The following RASIP1 variants were observed in gnomAD, a reference collection of about 807,000 sequenced individuals.
RASIP1 encodes Ras interacting protein 1.
A neutral mutation model predicts 85.3 loss-of-function variants in RASIP1; 20 were observed. That is an observed-to-expected ratio of 0.23 (90% CI 0.17 to 0.34). The LOEUF (loss-of-function observed/expected upper bound fraction) is 0.34. Among genes scored for constraint, RASIP1 ranks in the 10% least tolerant of loss-of-function variants. The pLI is 1.00. For synonymous variants in RASIP1, 617 were observed against 647.1 expected (o/e 0.95, Z 0.71); for missense variants, 1,170 against 1,390.9 (o/e 0.84, Z 2.53).
In RASIP1 at chr19:48,738,199, C is replaced by G. The variant is rs547451876; in HGVS notation, c.823+761G>C. On this transcript the variant is annotated intron_variant, in intron 3 of 11. Transcript: ENST00000222145. This position sits in a 1 kb window ranked among gnomAD's most constrained non-coding sequence, Gnocchi z 4.0. ...ACCTCAGGTGATCCGCCCGCCTCAGCCTCTCAAAGTGCTGGGATTACAGGC... is the reference window on the plus strand; with the variant it reads ...ACCTCAGGTGATCCGCCCGCCTCAGGCTCTCAAAGTGCTGGGATTACAGGC... 6.6e-6 allele frequency among the ~76,000 whole-genome samples: 1 copy of G among 152,328 alleles called. No homozygotes were observed. The highest frequency in any genetic ancestry group is 2.1e-4 in the South Asian group (1 of 4,830).
Position 48,720,733 on chromosome 19 carries a change from G to C in RASIP1, c.*65C>G, listed in dbSNP as rs923943143. On this transcript the variant is annotated 3_prime_UTR_variant, in exon 12 of 12. Transcript: ENST00000222145. The stretch of plus-strand genomic sequence containing the variant: ...CAACTCCCAGAAAGCTTTGCGCTCA[G>C]GCGGGCTCCTGTCCGTAGAAGCCCG... The C allele has an allele frequency of 1.3e-6, 2 of 1,527,666 alleles. No individual in the cohort carries two copies. The highest frequency in any genetic ancestry group is 2.7e-5 in the African/African-American group (2 of 72,860). The allele number at this position is 1,527,666 out of a possible 1,614,324, so 94.6% of individuals were successfully genotyped here. A position where few individuals can be genotyped will look rare whatever the true frequency, so the allele number is the denominator to read the frequency against.
At chr19:48,735,583 C>T (rs1568482350) in intron 3 of RASIP1, 32 bp from the exon 4 acceptor site, 1 of 1,488,232 alleles carries the variant, frequency 6.7e-7, no homozygotes, top group African/African-American at 1.4e-5. Context: ...TGAGGCTGAG[C>T]CTGGAAAGAC....
rs371894454 is a variant in RASIP1 at position 48,724,482 on chromosome 19, G to A, written c.2399C>T (p.Ser800Phe). The A allele has an allele frequency of 6.2e-7, 1 of 1,614,008 alleles. No homozygotes were observed. Among genetic ancestry groups the A allele is most frequent in the Non-Finnish European group, 8.5e-7 (1 of 1,180,016 alleles). ...RGQGRPFYQWSRAVQIRTNLD... is the reference protein window; with the variant it reads ...RGQGRPFYQWFRAVQIRTNLD... ...GTTGGTTCGGATTTGAACAGCTCGG[G>A]ACCATTGATAGAAAGGCCGGCCTTG... Residue 800 changes from serine (S) to phenylalanine (F), a missense_variant, in exon 10 of 12, where the codon TCC (serine) becomes TTC (phenylalanine). Ser to Phe is a radical substitution (Grantham distance 155). Around this residue, in one of 4 missense-constraint regions of RASIP1, gnomAD observed 426 missense variants for 576.2 expected, o/e 0.74. Coordinates refer to ENST00000222145, the MANE Select transcript of RASIP1 (RefSeq NM_017805.3). This position sits in a 1 kb window ranked among gnomAD's most constrained non-coding sequence, Gnocchi z 4.6.
chr19:48,739,754 A>G lies in RASIP1; in HGVS notation c.138-109T>C. On this transcript the variant is annotated intron_variant, in intron 2 of 11. Coordinates refer to ENST00000222145, the MANE Select transcript of RASIP1 (RefSeq NM_017805.3). This position sits in a 1 kb window ranked among gnomAD's most constrained non-coding sequence, Gnocchi z 9.2. The stretch of plus-strand genomic sequence containing the variant: ...AAGTGGGCAGAGACCCAGAGGGAGG[A>G]CAGGGACCCAGGGTGGATGGACGGG... 1.7e-5 allele frequency: 16 copies of G among 932,052 alleles called. No homozygotes were observed. Among genetic ancestry groups the G allele is most frequent in the Non-Finnish European group, 2.2e-5 (16 of 737,198 alleles). 57.7% of individuals were successfully genotyped at this position (932,052 alleles called of 1,614,324 possible).
intron 10 of RASIP1, among the ~76,000 whole-genome samples, chr19:48,723,475 G>A (rs541440475): frequency 1.3e-4 from 20 of 150,488 alleles, no homozygotes; most frequent in African/African-American, 4.4e-4. Flanking sequence ...CAGGAGAATC[G>A]CTTGAACTCG....
intron 6 of RASIP1, 38 bp from the exon 7 acceptor site, chr19:48,727,196 C>T (rs1433375238): frequency 1.9e-5 from 31 of 1,610,798 alleles, no homozygotes; most frequent in Non-Finnish European, 2.5e-5. Context: ...CCCTGCCCAA[C>T]CCTCATCATA....
Position 48,728,939 on chromosome 19 carries a change from A to T in RASIP1, c.1831T>A (p.Trp611Arg), listed in dbSNP as rs759032090. The change falls in exon 5 of 12, where the codon TGG (tryptophan) becomes AGG (arginine). Residue 611 changes from tryptophan (W) to arginine (R), a missense_variant and splice_region_variant. Physicochemically the swap from Trp to Arg is moderately radical, Grantham distance 101 (BLOSUM62 -3). Coordinates refer to ENST00000222145, the MANE Select transcript of RASIP1 (RefSeq NM_017805.3). ...GACGGCGATTGGGGGGCGCTCACCC[A>T]GACGGCCTCCTTGATGAGCCGGGCC... Reference protein sequence around the residue: ...RLARLIKEAVWEKIKEIGDRQ... With the variant: ...RLARLIKEAVREKIKEIGDRQ... 48 of 1,446,692 alleles carry T rather than the reference A, an allele frequency of 3.3e-5. 1 individual carries two copies. In the East Asian group the frequency reaches 1.4e-3, roughly 43 times the overall value. 89.6% of individuals were successfully genotyped at this position (1,446,692 alleles called of 1,614,324 possible). A position where few individuals can be genotyped will look rare whatever the true frequency, so the allele number is the denominator to read the frequency against.
intron 4 of RASIP1, among the ~76,000 whole-genome samples, chr19:48,733,627 C>T (rs1203674869): frequency 3.3e-5 from 5 of 151,952 alleles, no homozygotes; most frequent in Admixed American, 6.6e-5. Flanking sequence ...GCCAACATGG[C>T]GACACCCTGT....
At chr19:48,736,016 G>A (rs753615114) in intron 3 of RASIP1, among the ~76,000 whole-genome samples, 1 of 151,332 alleles carries the variant, frequency 6.6e-6, no homozygotes, top group African/African-American at 2.4e-5. Flanking sequence ...GGCTGGTCTC[G>A]GACTGGTCGG....
At chr19:48,721,284 G>C (rs976585248) in intron 11 of RASIP1, among the ~76,000 whole-genome samples, 3 of 152,118 alleles carry the variant, frequency 2.0e-5, no homozygotes, top group African/African-American at 7.2e-5. Context: ...GTCAAGTTCA[G>C]GGGAGTGAAA....
chr19:48,727,523 T>C, intron 5 of RASIP1, 93 bp from the exon 6 acceptor site: 1 of 1,332,772 alleles, frequency 7.5e-7, no homozygotes, highest in Non-Finnish European at 1.1e-6. Flanking sequence ...ACAACTCTCA[T>C]AGAGACTGGT....
In RASIP1 at chr19:48,721,871, C is replaced by G. The variant is rs764966014; in HGVS notation, c.2675G>C (p.Arg892Pro). 3 of 1,606,428 alleles carry G rather than the reference C, an allele frequency of 1.9e-6. No individual in the cohort carries two copies. The highest frequency in any genetic ancestry group is 1.3e-5 in the African/African-American group (1 of 74,318). The stretch of plus-strand genomic sequence containing the variant: ...CTCCTCACCTGTGTCCACAGCCTCC[C>G]GCTCTGCAGGGGGAGGGTCCCACGC... ...PAAWDPPPAE[R>P]EAVDTGDIFE... is the part of the protein sequence containing the mutation. The change falls in exon 11 of 12, where the codon CGG becomes CCG. Residue 892 changes from arginine (R) to proline (P), a missense_variant. Transcript: ENST00000222145.
intron 11 of RASIP1, among the ~76,000 whole-genome samples, chr19:48,721,625 A>T: frequency 6.6e-6 from 1 of 152,088 alleles, no homozygotes; most frequent in East Asian, 1.9e-4. Context: ...ACACGGTGAA[A>T]CCCCCGTCTC....
chr19:48,734,477 C>CT (rs767279598), intron 4 of RASIP1, among the ~76,000 whole-genome samples: 2,355 of 69,324 alleles, frequency 0.034, 22 homozygotes, highest in South Asian at 0.072. Context: ...CCACGCCCGG[C>CT]TTTTTTTTCT....
intron 10 of RASIP1, among the ~76,000 whole-genome samples, chr19:48,722,215 T>C (rs778749244): frequency 7.9e-5 from 12 of 151,748 alleles, no homozygotes; most frequent in Non-Finnish European, 1.5e-4. Context: ...CTCAGGATAA[T>C]TGAGGATACA....
intron 4 of RASIP1, among the ~76,000 whole-genome samples, chr19:48,734,138 C>CA (rs1477533945): frequency 6.6e-6 from 1 of 151,152 alleles, no homozygotes; most frequent in African/African-American, 2.4e-5. Flanking sequence ...ACTAAAAATA[C>CA]AAAAAAATTA....
Position 48,720,758 on chromosome 19 carries a change from G to A in RASIP1, c.*40C>T, listed in dbSNP as rs747867913. 34 of 1,597,732 alleles carry A rather than the reference G, an allele frequency of 2.1e-5. No homozygotes were observed. Among genetic ancestry groups the A allele is most frequent in the Non-Finnish European group, 2.7e-5 (32 of 1,165,660 alleles). ...GGCGGGCTCCTGTCCGTAGAAGCCC[G>A]TGACATTTCAAGGTTCGCGCGCTCG... On this transcript the variant is annotated 3_prime_UTR_variant, in exon 12 of 12. Transcript: ENST00000222145.
chr19:48,728,720 C>A (rs1056949827), intron 5 of RASIP1, among the ~76,000 whole-genome samples: 1 of 152,202 alleles, frequency 6.6e-6, no homozygotes, highest in Non-Finnish European at 1.5e-5. Flanking sequence ...ACCAAGACCG[C>A]CACTGCACTC....
At position 48,739,252 on chromosome 19, in the gene RASIP1, G is replaced by C; in HGVS notation, c.531C>G (p.Ala177=). The C allele has an allele frequency of 2.7e-6, 4 of 1,473,394 alleles. No homozygotes were observed. Among genetic ancestry groups the C allele is most frequent in the Non-Finnish European group, 3.6e-6 (4 of 1,119,816 alleles). 91.3% of individuals were successfully genotyped at this position (1,473,394 alleles called of 1,614,324 possible). Residue 177 remains alanine (A), a synonymous_variant, in exon 3 of 12, where the codon GCC becomes GCG. Coordinates refer to ENST00000222145, the MANE Select transcript of RASIP1 (RefSeq NM_017805.3). The surrounding 1 kb of genome is among the most constrained non-coding windows in gnomAD (Gnocchi z 9.2). Reference sequence around the variant, plus strand: ...CTAGGCCGTAGCGCTCTAGCGCCTCGGCCACGAGCTCGCGCGCCGTGGAGC... The same window carrying C: ...CTAGGCCGTAGCGCTCTAGCGCCTCCGCCACGAGCTCGCGCGCCGTGGAGC... ...TARSTARELV[A]EALERYGLAG...
Sources: gnomAD v4.1 joint callset for allele counts (sites outside exome capture counted in the v4.1 genomes callset) on GRCh38, gnomAD v4.1.1 for gene constraint, gnomAD v4.1.1 regional missense constraint, Gnocchi (gnomAD v3.1) non-coding constraint, MANE v1.5 for transcripts, NCBI Gene and HGNC (gene_info 2026-07-23, HGNC 2026-07-21) for gene names.